Variants in HEXIM2 observed in about 807,000 individuals in gnomAD.
HEXIM2 encodes the protein protein HEXIM2.
For missense variants in HEXIM2, 413 were observed against 390.8 expected (o/e 1.06, Z -0.48); for synonymous variants, 159 against 162.7 (o/e 0.98, Z 0.17).
At chr17:45,164,885 C>T (rs763909045) in intron 3 of HEXIM2, among the ~76,000 whole-genome samples, 22 of 152,128 alleles carry the variant, frequency 1.4e-4, no homozygotes, top group Admixed American at 4.6e-4. Context: ...TAGCCCATTC[C>T]GTGTTTTCTG....
At chr17:45,168,000 C>T (rs1426463853) in intron 3 of HEXIM2, among the ~76,000 whole-genome samples, 1 of 151,462 alleles carries the variant, frequency 6.6e-6, no homozygotes, top group Non-Finnish European at 1.5e-5. Context: ...TCTCCAGCCT[C>T]AGCCTCCTGC....
intron 1 of HEXIM2, 122 bp from the exon 2 acceptor site, chr17:45,162,366 A>G: frequency 7.5e-6 from 5 of 670,048 alleles, no homozygotes; most frequent in Non-Finnish European, 9.6e-6. Flanking sequence ...CTCCCGTGGC[A>G]GCAGCAGCCC....
Position 45,169,565 on chromosome 17 carries a change from AG to A in HEXIM2, c.620del (p.Gly207AlafsTer111). Reference sequence around the variant, plus strand: ...GAACGCTTCCACACCGAGAGCCTGCAGGGCCGCAGCAAGCAGGAGCTGGTGC... The same window carrying A: ...GAACGCTTCCACACCGAGAGCCTGCAGGCCGCAGCAAGCAGGAGCTGGTGC... ...TYERFHTESL[Q>X]GRSKQELVRD... On this transcript the variant is annotated frameshift_variant, in exon 4 of 4. Transcript: ENST00000589230. LOFTEE classifies it low-confidence loss of function (END_TRUNC). 1 of 1,555,826 alleles carries A rather than the reference AG, an allele frequency of 6.4e-7. No homozygotes were observed. The highest frequency in any genetic ancestry group is 2.0e-5 in the Admixed American group (1 of 50,786).
intron 3 of HEXIM2, among the ~76,000 whole-genome samples, chr17:45,167,320 T>A (rs2042883035): frequency 6.6e-6 from 1 of 151,230 alleles, no homozygotes; most frequent in African/African-American, 2.4e-5. Flanking sequence ...AGCAAGACTC[T>A]CACACACACA....
chr17:45,165,601 C>G (rs1394733396), intron 3 of HEXIM2, among the ~76,000 whole-genome samples: 1 of 151,990 alleles, frequency 6.6e-6, no homozygotes, highest in Non-Finnish European at 1.5e-5. Flanking sequence ...CTCTTGACAG[C>G]CTTTATACCT....
intron 3 of HEXIM2, among the ~76,000 whole-genome samples, chr17:45,166,507 G>A (rs1485183894): frequency 6.6e-6 from 1 of 152,192 alleles, no homozygotes; most frequent in African/African-American, 2.4e-5. Context: ...ACTGAGCACT[G>A]CCCTTGTGCT....
intron 3 of HEXIM2, among the ~76,000 whole-genome samples, chr17:45,163,228 A>C (rs1282623205): frequency 6.8e-6 from 1 of 147,262 alleles, no homozygotes; most frequent in Non-Finnish European, 1.5e-5. Flanking sequence ...TGGGAGGTTG[A>C]GGCAGGAGAA....
At chr17:45,168,390 G>A (rs2042924724) in intron 3 of HEXIM2, among the ~76,000 whole-genome samples, 1 of 151,766 alleles carries the variant, frequency 6.6e-6, no homozygotes, top group Non-Finnish European at 1.5e-5. Flanking sequence ...GGCTGAGGCT[G>A]GAGAATTCCG....
intron 3 of HEXIM2, among the ~76,000 whole-genome samples, chr17:45,167,199 G>A (rs1310709722): frequency 6.8e-6 from 1 of 146,116 alleles, no homozygotes; most frequent in Non-Finnish European, 1.5e-5. Context: ...GGTGGTACAC[G>A]CCTGTAGTCC....
intron 3 of HEXIM2, among the ~76,000 whole-genome samples, chr17:45,165,030 C>A (rs1415263043): frequency 6.6e-6 from 1 of 152,122 alleles, no homozygotes. Context: ...GGCTAGGGGG[C>A]TGGGCTCGCT....
chr17:45,160,596 C>T (rs908090728), upstream of HEXIM2: 3 of 263,196 alleles, frequency 1.1e-5, no homozygotes, highest in East Asian at 8.9e-5. Flanking sequence ...ATGGGCAACT[C>T]CGTTTCTATT....
chr17:45,166,742 A>G (rs557797283), intron 3 of HEXIM2, among the ~76,000 whole-genome samples: 1 of 152,122 alleles, frequency 6.6e-6, no homozygotes, highest in South Asian at 2.1e-4. Context: ...GAAAAAAGGT[A>G]GCTGGCAGTG....
At position 45,169,070 on chromosome 17, in the gene HEXIM2, G is replaced by A. The variant is rs1316483430; in HGVS notation, c.122G>A (p.Gly41Asp). 2 of 1,614,056 alleles carry A rather than the reference G, an allele frequency of 1.2e-6. No homozygotes were observed. The highest frequency in any genetic ancestry group is 4.5e-5 in the East Asian group (2 of 44,870). ...CCCCCTGAGCGTCATGACTCTGGTG[G>A]TTCCCTGCCCCTGACACCGCGGATG... ...QTPPERHDSG[G>D]SLPLTPRMES... Residue 41 changes from glycine (G) to aspartate (D), a missense_variant, in exon 4 of 4, where the codon GGT becomes GAT. Gly to Asp is a moderately conservative substitution (Grantham distance 94). Transcript: ENST00000589230.
At chr17:45,165,986 G>A (rs1210817852) in intron 3 of HEXIM2, among the ~76,000 whole-genome samples, 1 of 151,760 alleles carries the variant, frequency 6.6e-6, no homozygotes, top group Non-Finnish European at 1.5e-5. Flanking sequence ...TAGTAGAGAC[G>A]GGGTTTGGCC....
At chr17:45,160,958 C>G, upstream of HEXIM2, 1 of 1,289,686 alleles carries the variant, frequency 7.8e-7, no homozygotes, top group South Asian at 1.2e-5. Context: ...GGTGGGTGCA[C>G]TGGGATCTCC....
chr17:45,161,896 T>A lies in HEXIM2; in HGVS notation c.-328T>A. 2.0e-6 allele frequency: 2 copies of A among 985,594 alleles called. No homozygotes were observed. Among genetic ancestry groups the A allele is most frequent in the African/African-American group, 1.7e-5 (1 of 57,338 alleles). 61.1% of individuals were successfully genotyped at this position (985,594 alleles called of 1,614,324 possible). ...GGCTCTCTCTTCCCCCCCATCTTAG[T>A]GGCCTGAGCGGCTTGACCAGAGCTG... On this transcript the variant is annotated 5_prime_UTR_variant, in exon 1 of 4. Coordinates refer to ENST00000589230, the MANE Select transcript of HEXIM2 (RefSeq NM_001303441.2).
chr17:45,169,230 G>C lies in HEXIM2; in HGVS notation c.282G>C (p.Arg94=). 1 of 1,613,606 alleles carries C rather than the reference G, an allele frequency of 6.2e-7. No homozygotes were observed. Among genetic ancestry groups the C allele is most frequent in the Non-Finnish European group, 8.5e-7 (1 of 1,180,026 alleles). The part of the protein sequence containing the change: ...AVLARKKHRR[R]PSKRKRHWRP... Reference sequence around the variant, plus strand: ...TGGCCCGGAAGAAACACCGTCGGCGGCCATCGAAGCGCAAAAGGCACTGGC... The same window carrying C: ...TGGCCCGGAAGAAACACCGTCGGCGCCCATCGAAGCGCAAAAGGCACTGGC... Residue 94 remains arginine, a synonymous_variant, in exon 4 of 4, where the codon CGG becomes CGC. Coordinates refer to ENST00000589230, the MANE Select transcript of HEXIM2 (RefSeq NM_001303441.2).
upstream of HEXIM2, chr17:45,161,065 C>T (rs996161835): frequency 6.8e-6 from 5 of 739,164 alleles, no homozygotes; most frequent in East Asian, 3.2e-4. Context: ...TCTGGCGTCG[C>T]CCCCACCTCT....
upstream of HEXIM2, chr17:45,160,771 GGA>G: frequency 2.0e-6 from 1 of 501,868 alleles, no homozygotes; most frequent in Non-Finnish European, 3.7e-6. Flanking sequence ...GGGCTGAATG[GGA>G]GAGATCTTGA....
Sources: allele counts gnomAD v4.1 joint callset (sites outside exome capture counted in the v4.1 genomes callset), GRCh38; gene constraint gnomAD v4.1.1; transcripts MANE v1.5; gene names NCBI Gene and HGNC (gene_info 2026-07-23, HGNC 2026-07-21).